The following MLPH variants were observed in gnomAD, a reference collection of about 807,000 sequenced individuals.
The protein encoded by MLPH is melanophilin.
Under a neutral mutation model 72.1 loss-of-function variants are expected in MLPH, and 51 were observed. That is an observed-to-expected ratio of 0.71 (90% confidence interval 0.56 to 0.89). The LOEUF is 0.89. Among genes scored for constraint, MLPH ranks in the 40% least tolerant of loss-of-function variants. MLPH has a pLI of 0.00. For synonymous variants in MLPH, 301 were observed against 310.1 expected (o/e 0.97, Z 0.31); for missense variants, 743 against 759.9 (o/e 0.98, Z 0.26).
chr2:237,509,702 A>G (rs1351761909), intron 2 of MLPH, among the ~76,000 whole-genome samples: 1 of 152,152 alleles, frequency 6.6e-6, no homozygotes, highest in African/African-American at 2.4e-5. Context: ...TTTTGTAAAT[A>G]GTGGAGAGAG....
At chr2:237,525,409 C>T (rs773987151) in intron 6 of MLPH, among the ~76,000 whole-genome samples, 192 bp from the exon 7 acceptor site, 2 of 152,142 alleles carry the variant, frequency 1.3e-5, no homozygotes, top group Non-Finnish European at 2.9e-5. Flanking sequence ...AACAAATAGG[C>T]AATATATGCT....
Position 237,541,939 on chromosome 2 carries a change from G to A in MLPH, c.1447-628G>A, listed in dbSNP as rs541251442. 1.4e-4 allele frequency among the ~76,000 whole-genome samples: 22 copies of A among 152,340 alleles called. No homozygotes were observed. In the East Asian group the frequency reaches 2.5e-3, roughly 17 times the overall value. On this transcript the variant is annotated intron_variant, in intron 11 of 15. Coordinates refer to ENST00000264605, the MANE Select transcript of MLPH (RefSeq NM_024101.7). This position sits in a 1 kb window ranked among gnomAD's most constrained non-coding sequence, Gnocchi z 5.1. ...TGGCAAATCCAGGGGGCAGGAGGCC[G>A]GGTGGAGGGAGCAGCCCGTGCCAAG...
At chr2:237,491,393 G>A (rs6757376) in intron 1 of MLPH, among the ~76,000 whole-genome samples, 4 of 152,198 alleles carry the variant, frequency 2.6e-5, no homozygotes, top group Admixed American at 2.0e-4. Context: ...TCCCCAAAGC[G>A]TCAGTGCCCA....
upstream of MLPH, chr2:237,486,441 G>C (rs2079320588): frequency 6.6e-6 from 1 of 152,340 alleles, no homozygotes; most frequent in African/African-American, 2.4e-5. Flanking sequence ...CAGGCCGGGC[G>C]GACTGGAGAC....
At chr2:237,523,760 T>C (rs1463181641) in intron 6 of MLPH, among the ~76,000 whole-genome samples, 1 of 152,190 alleles carries the variant, frequency 6.6e-6, no homozygotes, top group Non-Finnish European at 1.5e-5. Flanking sequence ...TTAAGTCCTA[T>C]AAGCATAACA....
Position 237,553,964 on chromosome 2 carries a change from ATGG to A in MLPH, c.*373_*375del. ...TTCTTATGTTGCTTTCATGAATGGA[ATGG>A]AAAAAAGATGACTCAGTTAAGGCAC... On this transcript the variant is annotated 3_prime_UTR_variant, in exon 16 of 16. Transcript: ENST00000264605. The A allele has an allele frequency of 2.5e-6, 1 of 394,998 alleles. No individual in the cohort carries two copies. Among genetic ancestry groups the A allele is most frequent in the Admixed American group, 3.6e-5 (1 of 28,006 alleles). 24.5% of individuals were successfully genotyped at this position (394,998 alleles called of 1,614,324 possible).
intron 11 of MLPH, 44 bp from the exon 12 acceptor site, chr2:237,542,523 C>T (rs775073333): frequency 3.5e-5 from 52 of 1,482,180 alleles, no homozygotes; most frequent in South Asian, 6.0e-5. Context: ...GGCGGGATCT[C>T]GAGCGTCTGT....
At chr2:237,540,659 TG>T in intron 10 of MLPH, 126 bp downstream of exon 10, 1 of 1,495,534 alleles carries the variant, frequency 6.7e-7, no homozygotes, top group Non-Finnish European at 9.1e-7. Context: ...GGGCCCTTGA[TG>T]GGGTCTGCAG....
chr2:237,523,551 C>T (rs936839415), intron 6 of MLPH, among the ~76,000 whole-genome samples: 8 of 152,146 alleles, frequency 5.3e-5, no homozygotes, highest in African/African-American at 1.9e-4. Flanking sequence ...GGTCCACAAT[C>T]TAATGTTTTG....
chr2:237,540,775 G>T, intron 10 of MLPH, 27 bp from the exon 11 acceptor site: 1 of 1,611,430 alleles, frequency 6.2e-7, no homozygotes, highest in Non-Finnish European at 8.5e-7. Context: ...CCTGCTGCTG[G>T]TCAGCCTCCG....
chr2:237,518,985 G>A (rs138565305), intron 5 of MLPH, among the ~76,000 whole-genome samples: 22 of 152,340 alleles, frequency 1.4e-4, no homozygotes, highest in African/African-American at 5.1e-4. Flanking sequence ...GAGGGCTCTC[G>A]AGGGTCCTGA....
Position 237,519,959 on chromosome 2 carries a change from A to T in MLPH, c.605A>T (p.Asp202Val), listed in dbSNP as rs778805681. The T allele has an allele frequency of 2.2e-5, 36 of 1,613,868 alleles. No individual in the cohort carries two copies. The highest frequency in any genetic ancestry group is 5.5e-5 in the South Asian group (5 of 91,082). Residue 202 changes from aspartate (D) to valine (V), a missense_variant, in exon 6 of 16, where the codon GAT (aspartate) becomes GTT (valine). Coordinates refer to ENST00000264605, the MANE Select transcript of MLPH (RefSeq NM_024101.7). ...GACTTCGACTTCGAGGGAGACTCAGATGACTCCACTCAGCCTCAAGGTCAC... is the reference window on the plus strand; with the variant it reads ...GACTTCGACTTCGAGGGAGACTCAGTTGACTCCACTCAGCCTCAAGGTCAC... ...VHDFDFEGDS[D>V]DSTQPQGHSL... is the part of the protein sequence containing the mutation.
At chr2:237,516,806 T>G (rs1281264385) in intron 4 of MLPH, among the ~76,000 whole-genome samples, 1 of 149,026 alleles carries the variant, frequency 6.7e-6, no homozygotes, top group Non-Finnish European at 1.5e-5. Flanking sequence ...GATGGATGGA[T>G]GGATGGATGG....
At chr2:237,538,951 G>A (rs770436279) in intron 9 of MLPH, among the ~76,000 whole-genome samples, 74 of 152,222 alleles carry the variant, frequency 4.9e-4, no homozygotes, top group Non-Finnish European at 8.8e-4. Flanking sequence ...CGGGGCTGCC[G>A]TGTGGCTGTC....
chr2:237,499,722 T>C (rs189127209), intron 2 of MLPH, among the ~76,000 whole-genome samples: 2 of 152,288 alleles, frequency 1.3e-5, no homozygotes, highest in East Asian at 1.9e-4. Context: ...GTTGTGAAAA[T>C]GTAATTTTAT....
intron 1 of MLPH, among the ~76,000 whole-genome samples, chr2:237,490,139 C>T (rs988646868): frequency 2.0e-5 from 3 of 152,100 alleles, no homozygotes; most frequent in Non-Finnish European, 4.4e-5. Context: ...TGGCGTCTGC[C>T]CTCCCCCAGC....
intron 14 of MLPH, 54 bp from the exon 15 acceptor site, chr2:237,552,283 T>G (rs2081054925): frequency 3.3e-6 from 5 of 1,516,242 alleles, no homozygotes; most frequent in African/African-American, 1.4e-5. Context: ...GGCACTTGTT[T>G]GGGCTAAGTA....
intron 13 of MLPH, among the ~76,000 whole-genome samples, chr2:237,547,359 G>C (rs1265251256): frequency 6.9e-6 from 1 of 144,834 alleles, no homozygotes; most frequent in East Asian, 2.0e-4. Context: ...GTGGTTAGGA[G>C]TAGGAGCAGT....
rs145392053 is a variant in MLPH at position 237,505,601 on chromosome 2, C to T, written c.111-4973C>T. Among the ~76,000 whole-genome samples, 9 of 152,314 alleles carry T rather than the reference C, an allele frequency of 5.9e-5. No individual in the cohort carries two copies. Among genetic ancestry groups the T allele is most frequent in the South Asian group, 2.1e-4 (1 of 4,826 alleles). On this transcript the variant is annotated intron_variant, in intron 2 of 15. Coordinates refer to ENST00000264605, the MANE Select transcript of MLPH (RefSeq NM_024101.7). This position sits in a 1 kb window ranked among gnomAD's most constrained non-coding sequence, Gnocchi z 4.5. ...CCCCAGTATTCCTGCATGTTGCCACCACACCCCTGTCTAGATTTCACCCCA... is the reference window on the plus strand; with the variant it reads ...CCCCAGTATTCCTGCATGTTGCCACTACACCCCTGTCTAGATTTCACCCCA...
Sources: allele counts gnomAD v4.1 joint callset (sites outside exome capture counted in the v4.1 genomes callset), GRCh38; gene constraint gnomAD v4.1.1; non-coding constraint Gnocchi (gnomAD v3.1); transcripts MANE v1.5; gene names NCBI Gene and HGNC (gene_info 2026-07-23, HGNC 2026-07-21).